ZBTB20: variants seen among roughly 807,000 people sequenced by gnomAD.
ZBTB20 encodes zinc finger and BTB domain containing 20, also known as zinc finger and BTB domain-containing protein 20.
Under a neutral mutation model 56.9 loss-of-function variants are expected in ZBTB20, and 9 were observed. The observed-to-expected ratio is 0.16, with a 90% CI of 0.10 to 0.28. The LOEUF (loss-of-function observed/expected upper bound fraction) is 0.28, where lower values mean the gene tolerates loss of function less well. Ranked by LOEUF, ZBTB20 falls within the 10% of genes least tolerant of loss-of-function variation. The pLI is 1.00. For synonymous variants in ZBTB20, 417 were observed against 420.7 expected (o/e 0.99, Z 0.11); for missense variants, 655 against 1,003.0 (o/e 0.65, Z 4.69).
At chr3:114,588,655 T>C (rs1055220539) in intron 6 of ZBTB20, among the ~76,000 whole-genome samples, 3 of 151,908 alleles carry the variant, frequency 2.0e-5, no homozygotes, top group East Asian at 1.9e-4. Flanking sequence ...AGGGCAAAAA[T>C]ATGGTAAAGA....
intron 2 of ZBTB20, among the ~76,000 whole-genome samples, chr3:115,062,970 G>C (rs1180978488): frequency 6.6e-6 from 1 of 152,112 alleles, no homozygotes; most frequent in African/African-American, 2.4e-5. Context: ...CCAAATGAAA[G>C]TTTATCTGTC....
intron 5 of ZBTB20, among the ~76,000 whole-genome samples, chr3:114,777,844 C>A (rs2108762779): frequency 6.6e-6 from 1 of 151,944 alleles, no homozygotes; most frequent in East Asian, 1.9e-4. Flanking sequence ...TGGAACCAAC[C>A]CAAACGTCCA....
chr3:114,954,985 G>C (rs1284830175), intron 3 of ZBTB20, among the ~76,000 whole-genome samples: 4 of 152,156 alleles, frequency 2.6e-5, no homozygotes, highest in Non-Finnish European at 5.9e-5. Flanking sequence ...TAATTCTAAA[G>C]GAAACTTCTT....
intron 2 of ZBTB20, among the ~76,000 whole-genome samples, chr3:114,985,653 T>C (rs1464488360): frequency 1.3e-5 from 2 of 152,032 alleles, no homozygotes; most frequent in Admixed American, 6.6e-5. Flanking sequence ...ACTGCCAAAA[T>C]AGATGGGTCA....
At chr3:114,600,984 A>G (rs1299288116) in intron 6 of ZBTB20, among the ~76,000 whole-genome samples, 2 of 150,964 alleles carry the variant, frequency 1.3e-5, no homozygotes, top group Non-Finnish European at 3.0e-5. Flanking sequence ...CTCTAGGGAC[A>G]TCCTTTTACT....
chr3:114,495,343 G>C (rs1447720940), intron 7 of ZBTB20, among the ~76,000 whole-genome samples: 1 of 152,070 alleles, frequency 6.6e-6, no homozygotes, highest in Non-Finnish European at 1.5e-5. Flanking sequence ...AACGGAAATG[G>C]CTTAGTAGCT....
intron 4 of ZBTB20, among the ~76,000 whole-genome samples, chr3:114,831,160 G>A (rs936995788): frequency 2.7e-5 from 3 of 110,526 alleles, no homozygotes; most frequent in African/African-American, 9.7e-5. Context: ...GGGTTTATCC[G>A]CTATTTACAT....
At chr3:114,920,013 T>A (rs2107750968) in intron 3 of ZBTB20, among the ~76,000 whole-genome samples, 1 of 152,282 alleles carries the variant, frequency 6.6e-6, no homozygotes, top group Non-Finnish European at 1.5e-5. Flanking sequence ...AGTCAAAATC[T>A]ATCAGAAGAC....
At chr3:115,044,136 CA>C (rs1216766593) in intron 2 of ZBTB20, among the ~76,000 whole-genome samples, 2 of 152,084 alleles carry the variant, frequency 1.3e-5, no homozygotes, top group Admixed American at 1.3e-4. Flanking sequence ...AACTATGAGC[CA>C]ATTAAACCTC....
chr3:114,525,386 A>G (rs1485244521), intron 6 of ZBTB20, among the ~76,000 whole-genome samples: 2 of 151,936 alleles, frequency 1.3e-5, no homozygotes, highest in East Asian at 3.9e-4. Flanking sequence ...CAAACCATCC[A>G]TTTCACCGAG....
chr3:114,949,226 C>T (rs1392357657), intron 3 of ZBTB20, among the ~76,000 whole-genome samples: 3 of 145,890 alleles, frequency 2.1e-5, no homozygotes, highest in Non-Finnish European at 4.4e-5. Flanking sequence ...AAAATGAATC[C>T]TGTCCATCCT....
At chr3:114,687,176 A>C (rs2062391332) in intron 6 of ZBTB20, 1 of 152,020 alleles carries the variant, frequency 6.6e-6, no homozygotes, top group Non-Finnish European at 1.5e-5. Context: ...GTAGCAAATG[A>C]ATGCATTTAA....
At position 114,981,364 on chromosome 3, in the gene ZBTB20, T is replaced by A. The variant is rs200240924; in HGVS notation, c.-506-6948A>T. On this transcript the variant is annotated intron_variant, in intron 2 of 11. Coordinates refer to ENST00000675478, the MANE Select transcript of ZBTB20 (RefSeq NM_001348800.3). ...GTAAAAACAATTCTTGTTAATTTAG[T>A]CTTGGTTAAAGGTTAAATATGTTTC... Among the ~76,000 whole-genome samples, 34 of 152,218 alleles carry A rather than the reference T, an allele frequency of 2.2e-4. No individual in the cohort carries two copies. The East Asian group carries it at 5.2e-3, about 23-fold the overall frequency.
chr3:114,370,815 T>C (rs1371268337), intron 10 of ZBTB20, among the ~76,000 whole-genome samples: 2 of 152,204 alleles, frequency 1.3e-5, no homozygotes, highest in Non-Finnish European at 2.9e-5. Context: ...CGGCACTATA[T>C]AAAATGGAAT....
intron 5 of ZBTB20, among the ~76,000 whole-genome samples, chr3:114,749,534 C>G (rs1298349296): frequency 6.7e-6 from 1 of 149,422 alleles, no homozygotes; most frequent in Non-Finnish European, 1.5e-5. Context: ...ACCCAGGCAA[C>G]AGTCCGTGAC....
chr3:114,711,089 C>T (rs935220641), intron 5 of ZBTB20, among the ~76,000 whole-genome samples: 11 of 152,170 alleles, frequency 7.2e-5, no homozygotes, highest in Non-Finnish European at 1.5e-4. Flanking sequence ...TGAGACCTTT[C>T]CTACTTACCC....
chr3:114,683,441 A>G (rs1331480874), intron 6 of ZBTB20, among the ~76,000 whole-genome samples: 3 of 152,056 alleles, frequency 2.0e-5, no homozygotes, highest in African/African-American at 7.2e-5. Context: ...TGATTAATAC[A>G]AACAAACCAA....
intron 6 of ZBTB20, among the ~76,000 whole-genome samples, chr3:114,589,672 T>G (rs1233095853): frequency 3.3e-5 from 5 of 152,210 alleles, no homozygotes; most frequent in Non-Finnish European, 7.3e-5. Context: ...TTGCATATAC[T>G]TTTACTTCAA....
chr3:114,656,654 T>A (rs2060421018), intron 6 of ZBTB20, among the ~76,000 whole-genome samples: 1 of 152,204 alleles, frequency 6.6e-6, no homozygotes, highest in African/African-American at 2.4e-5. Context: ...TTCAAAAAAA[T>A]TTCAGGTATT....
Sources: gnomAD v4.1 joint callset for allele counts (sites outside exome capture counted in the v4.1 genomes callset) on GRCh38, gnomAD v4.1.1 for gene constraint, MANE v1.5 for transcripts, NCBI Gene and HGNC (gene_info 2026-07-23, HGNC 2026-07-21) for gene names.